CCZ1B: variants seen among roughly 807,000 people sequenced by gnomAD.
The protein encoded by CCZ1B is vacuolar fusion protein CCZ1 homolog B.
Under a neutral mutation model 58.8 loss-of-function variants are expected in CCZ1B, and 25 were observed. The observed-to-expected ratio is 0.43, with a 90% CI of 0.31 to 0.59. CCZ1B has a LOEUF of 0.59. Ranked by LOEUF, CCZ1B falls within the 20% of genes least tolerant of loss-of-function variation. CCZ1B has a pLI of 0.12. For synonymous variants in CCZ1B, 66 were observed against 173.2 expected (o/e 0.38, Z 4.86); for missense variants, 180 against 501.5 (o/e 0.36, Z 6.12).
At chr7:6,822,520 A>C in intron 5 of CCZ1B, 156 bp from the exon 6 acceptor site, 1 of 1,319,862 alleles carries the variant, frequency 7.6e-7, no homozygotes, top group Non-Finnish European at 1.0e-6. Flanking sequence ...ACTTGAGTTA[A>C]AAATGTAAGT....
At position 6,822,162 on chromosome 7, in the gene CCZ1B, T is replaced by G. The variant is rs1457389489; in HGVS notation, c.522+119A>C. On this transcript the variant is annotated intron_variant, in intron 6 of 14. Transcript: ENST00000316731. ...AGTTTTGCGACGGTCTGTCTCAGGC[T>G]CTTTGCCACTTTCAAGTTCTGGGTT... The G allele has an allele frequency of 3.5e-6, 5 of 1,447,886 alleles. No homozygotes were observed. The African/African-American group carries it at 7.7e-5, about 22-fold the overall frequency. The allele number at this position is 1,447,886 out of a possible 1,614,324, so 89.7% of individuals were successfully genotyped here.
At chr7:6,813,326 C>G (rs1203197780) in intron 8 of CCZ1B, among the ~76,000 whole-genome samples, 1 of 149,408 alleles carries the variant, frequency 6.7e-6, no homozygotes, top group East Asian at 1.9e-4. Flanking sequence ...TGGCTCACGC[C>G]TATAATCCCA....
chr7:6,808,206 C>T lies in CCZ1B; in HGVS notation c.955-2169G>A, dbSNP rs1782862006. On this transcript the variant is annotated intron_variant, in intron 10 of 14. Transcript: ENST00000316731. Reference sequence around the variant, plus strand: ...CCAGCTGTGTCTCTGTGGCCAACCCCCAATCAGATCTCTGGATCTCGAGGC... The same window carrying T: ...CCAGCTGTGTCTCTGTGGCCAACCCTCAATCAGATCTCTGGATCTCGAGGC... Among the ~76,000 whole-genome samples, 2 of 127,638 alleles carry T rather than the reference C, an allele frequency of 1.6e-5. 1 individual carries two copies. The highest frequency in any genetic ancestry group is 3.4e-5 in the Non-Finnish European group (2 of 58,810). 83.7% of individuals were successfully genotyped at this position (127,638 alleles called of 152,430 possible).
chr7:6,819,240 CTT>C lies in CCZ1B; in HGVS notation c.698+524_698+525del, dbSNP rs200393243. Among the ~76,000 whole-genome samples, 49 of 133,110 alleles carry C rather than the reference CTT, an allele frequency of 3.7e-4. 2 individuals are homozygous for C. Among genetic ancestry groups the C allele is most frequent in the East Asian group, 1.2e-3 (6 of 4,866 alleles). The allele number at this position is 133,110 out of a possible 152,430, so 87.3% of individuals were successfully genotyped here. On this transcript the variant is annotated intron_variant, in intron 7 of 14. Coordinates refer to ENST00000316731, the MANE Select transcript of CCZ1B (RefSeq NM_198097.5). ...CTAAATCTTACTTGATAGGAACATTCTTTTTTTTTTTTTGGAGACAGAGTCTC... is the reference window on the plus strand; with the variant it reads ...CTAAATCTTACTTGATAGGAACATTCTTTTTTTTTTTGGAGACAGAGTCTC...
intron 1 of CCZ1B, among the ~76,000 whole-genome samples, chr7:6,825,410 TC>T (rs1325381959): frequency 7.5e-6 from 1 of 134,186 alleles, no homozygotes; most frequent in Non-Finnish European, 1.6e-5. Flanking sequence ...GGCTCACTTT[TC>T]AATTTTTTTT....
intron 9 of CCZ1B, 199 bp from the exon 10 acceptor site, chr7:6,812,262 G>A (rs1048690480): frequency 5.6e-6 from 3 of 540,316 alleles, no homozygotes; most frequent in East Asian, 6.2e-5. Flanking sequence ...GCTGAGCTGG[G>A]TGGATCACCT....
chr7:6,803,865 C>T (rs1169961476), intron 12 of CCZ1B, among the ~76,000 whole-genome samples: 22 of 150,476 alleles, frequency 1.5e-4, no homozygotes, highest in Admixed American at 1.4e-3. Flanking sequence ...AGGAGAATCG[C>T]TTGAACCTGG....
At chr7:6,823,193 C>T in intron 5 of CCZ1B, 120 bp downstream of exon 5, 1 of 1,324,824 alleles carries the variant, frequency 7.5e-7, no homozygotes, top group South Asian at 1.5e-5. Context: ...TTATTTTCTT[C>T]TCTAAGACAA....
At chr7:6,803,958 A>AAAAAAAG (rs1782798025) in intron 12 of CCZ1B, among the ~76,000 whole-genome samples, 1 of 145,772 alleles carries the variant, frequency 6.9e-6, no homozygotes, top group Non-Finnish European at 1.5e-5. Context: ...AAAAAAAAAA[A>AAAAAAAG]AAAACCCAAA....
intron 7 of CCZ1B, 150 bp downstream of exon 7, chr7:6,819,616 A>G: frequency 3.4e-6 from 2 of 586,482 alleles, no homozygotes; most frequent in East Asian, 5.7e-5. Context: ...TTAAATAATC[A>G]CTGCTTTATT....
chr7:6,808,394 A>AG (rs1221257395), intron 10 of CCZ1B, among the ~76,000 whole-genome samples: 1 of 73,136 alleles, frequency 1.4e-5, no homozygotes, highest in African/African-American at 4.6e-5. Flanking sequence ...CAAAAAAAAA[A>AG]AAAACAAAAA....
intron 8 of CCZ1B, chr7:6,814,516 C>A (rs1782967202): frequency 2.7e-6 from 1 of 370,836 alleles, no homozygotes; most frequent in Non-Finnish European, 4.9e-6. Flanking sequence ...CAAACAAAAA[C>A]ACACACAAAA....
chr7:6,812,494 T>TTAA, intron 9 of CCZ1B: 1 of 92,076 alleles, frequency 1.1e-5, no homozygotes, highest in South Asian at 1.7e-4. Context: ...ACACTCCATC[T>TTAA]CAAAAAAAAA....
chr7:6,816,189 C>T (rs915905195), intron 7 of CCZ1B, among the ~76,000 whole-genome samples: 2 of 147,790 alleles, frequency 1.4e-5, no homozygotes, highest in Non-Finnish European at 3.0e-5. Context: ...ACTGAAATAC[C>T]GTGAAGGTGG....
chr7:6,808,339 G>A (rs1307069140), intron 10 of CCZ1B, among the ~76,000 whole-genome samples: 4 of 119,872 alleles, frequency 3.3e-5, no homozygotes, highest in African/African-American at 1.1e-4. Flanking sequence ...GAGGACAGCC[G>A]GAAGCTCACA....
intron 12 of CCZ1B, among the ~76,000 whole-genome samples, chr7:6,803,960 A>C (rs1292434617): frequency 9.6e-5 from 14 of 145,866 alleles, no homozygotes; most frequent in Non-Finnish European, 1.4e-4. Context: ...AAAAAAAAAA[A>C]AACCCAAAAA....
In CCZ1B at chr7:6,821,279, G is replaced by T. The variant is rs1426419115; in HGVS notation, c.522+1002C>A. Among the ~76,000 whole-genome samples, 4 of 149,848 alleles carry T rather than the reference G, an allele frequency of 2.7e-5. 1 individual carries two copies. The highest frequency in any genetic ancestry group is 1.0e-4 in the African/African-American group (4 of 39,936). On this transcript the variant is annotated intron_variant, in intron 6 of 14. Transcript: ENST00000316731. ...CCCGCCTCGGCCTCCCAAAGTGCTG[G>T]GATTACAGGCGTAAGCCACCACACC...
intron 10 of CCZ1B, among the ~76,000 whole-genome samples, chr7:6,810,039 T>A (rs1032089378): frequency 2.0e-5 from 3 of 150,626 alleles, no homozygotes; most frequent in African/African-American, 7.4e-5. Flanking sequence ...TGAGACAGAG[T>A]CTTGCTCTGT....
intron 1 of CCZ1B, among the ~76,000 whole-genome samples, 192 bp from the exon 2 acceptor site, chr7:6,824,929 C>T (rs4720685): frequency 0.18 from 26,738 of 148,110 alleles, 4,038 homozygotes; most frequent in South Asian, 0.4. Flanking sequence ...CACTTGAGCT[C>T]AGGAGTTCAA....
Sources: gnomAD v4.1 joint callset for allele counts (sites outside exome capture counted in the v4.1 genomes callset) on GRCh38, gnomAD v4.1.1 for gene constraint, MANE v1.5 for transcripts, NCBI Gene and HGNC (gene_info 2026-07-23, HGNC 2026-07-21) for gene names.